PDE4D: variants seen among roughly 807,000 people sequenced by gnomAD.
The protein encoded by PDE4D is phosphodiesterase 4D.
PDE4D carries 24 observed loss-of-function variants against 87.4 expected under a neutral mutation model. The ratio of observed to expected loss-of-function variants is 0.27; its 90% CI spans 0.20 to 0.39. The LOEUF (loss-of-function observed/expected upper bound fraction) is 0.39. PDE4D is among the 10% of genes least tolerant of loss of function. PDE4D has a pLI of 1.00. For missense variants in PDE4D, 714 were observed against 1,041.0 expected (o/e 0.69, Z 4.32); for synonymous variants, 384 against 383.2 (o/e 1.00, Z -0.02).
chr5:59,792,421 T>TGTGTGTGTGTGTGA (rs1392525457), intron 1 of PDE4D, among the ~76,000 whole-genome samples: 1 of 151,544 alleles, frequency 6.6e-6, no homozygotes, highest in Non-Finnish European at 1.5e-5. Context: ...TGTGTGTGTG[T>TGTGTGTGTGTGTGA]GTGTGTGTGT....
intron 1 of PDE4D, among the ~76,000 whole-genome samples, chr5:59,305,916 G>T (rs1771246437): frequency 6.6e-6 from 1 of 152,064 alleles, no homozygotes; most frequent in African/African-American, 2.4e-5. Context: ...TTGTTCCAAG[G>T]TACAGTTTAA....
intron 1 of PDE4D, among the ~76,000 whole-genome samples, chr5:60,339,270 C>T (rs985220141): frequency 5.3e-5 from 8 of 152,126 alleles, no homozygotes; most frequent in African/African-American, 1.9e-4. Flanking sequence ...ATCCCCACTC[C>T]TGCACTTTGG....
intron 1 of PDE4D, among the ~76,000 whole-genome samples, chr5:59,430,109 C>A (rs1795894959): frequency 6.6e-6 from 1 of 152,172 alleles, no homozygotes; most frequent in South Asian, 2.1e-4. Flanking sequence ...TCAGCTTTTG[C>A]TAAATAGCTA....
At chr5:60,308,359 C>T (rs1019225049) in intron 1 of PDE4D, among the ~76,000 whole-genome samples, 4 of 151,996 alleles carry the variant, frequency 2.6e-5, no homozygotes, top group Non-Finnish European at 5.9e-5. Flanking sequence ...GAAAATTTTC[C>T]AACATCCCTT....
At chr5:59,484,550 C>T (rs1804783474) in intron 1 of PDE4D, among the ~76,000 whole-genome samples, 1 of 152,148 alleles carries the variant, frequency 6.6e-6, no homozygotes, top group Admixed American at 6.6e-5. Flanking sequence ...TATTTTCCTT[C>T]TAGAACAAAC....
intron 5 of PDE4D, chr5:59,091,066 A>T (rs1357978084): frequency 4.5e-6 from 2 of 449,226 alleles, no homozygotes; most frequent in Non-Finnish European, 8.9e-6. Flanking sequence ...TACTAAACAT[A>T]TGAAGGAGTA....
chr5:59,822,296 A>G (rs1769785569), intron 1 of PDE4D, among the ~76,000 whole-genome samples: 1 of 152,224 alleles, frequency 6.6e-6, no homozygotes, highest in African/African-American at 2.4e-5. Flanking sequence ...ATTGAAACAA[A>G]CATGCTTTTA....
chr5:59,314,529 G>T (rs553627143), intron 1 of PDE4D: 5 of 152,160 alleles, frequency 3.3e-5, no homozygotes, highest in Non-Finnish European at 7.3e-5. Context: ...GAATTCAGTA[G>T]CTAATGCAGT....
At chr5:59,013,737 T>C (rs1753349281) in intron 6 of PDE4D, among the ~76,000 whole-genome samples, 1 of 152,188 alleles carries the variant, frequency 6.6e-6, no homozygotes, top group Admixed American at 6.5e-5. Context: ...TTGGTAACAT[T>C]CCTTCTGAAA....
At chr5:59,405,206 C>A (rs770338480) in intron 1 of PDE4D, among the ~76,000 whole-genome samples, 51 of 152,120 alleles carry the variant, frequency 3.4e-4, no homozygotes, top group Non-Finnish European at 3.5e-4. Flanking sequence ...TTCTTCCAAT[C>A]CATGAACATG....
chr5:60,514,720 A>T (rs1021004500), intron 1 of PDE4D, among the ~76,000 whole-genome samples: 1 of 148,422 alleles, frequency 6.7e-6, no homozygotes, highest in Non-Finnish European at 1.5e-5. Context: ...AAAAATTGTT[A>T]ACACCACAAA....
At chr5:60,439,190 T>A (rs948991370) in intron 1 of PDE4D, among the ~76,000 whole-genome samples, 1 of 152,146 alleles carries the variant, frequency 6.6e-6, no homozygotes, top group African/African-American at 2.4e-5. Context: ...TATGGCTTAA[T>A]TAGGGACCAT....
intron 1 of PDE4D, among the ~76,000 whole-genome samples, chr5:59,443,942 C>G (rs1797997567): frequency 6.6e-6 from 1 of 151,524 alleles, no homozygotes; most frequent in South Asian, 2.1e-4. Flanking sequence ...AAATAAATGA[C>G]TTGTTTAGGG....
intron 1 of PDE4D, among the ~76,000 whole-genome samples, chr5:60,431,734 G>A (rs1025943156): frequency 6.6e-6 from 1 of 152,190 alleles, no homozygotes; most frequent in Non-Finnish European, 1.5e-5. Flanking sequence ...CTGGGAGGTG[G>A]AGGTTGTAGC....
chr5:59,850,473 G>A (rs185676463), intron 1 of PDE4D, among the ~76,000 whole-genome samples: 51 of 152,114 alleles, frequency 3.4e-4, no homozygotes, highest in African/African-American at 1.1e-3. Context: ...TGGCTGCCTC[G>A]ATTTTAGGAC....
At chr5:59,314,912 T>A (rs1353806522) in intron 1 of PDE4D, 5 of 150,948 alleles carry the variant, frequency 3.3e-5, no homozygotes, top group Non-Finnish European at 4.5e-5. Flanking sequence ...AGGAGGCAGA[T>A]AAGAGGGAGG....
chr5:59,605,498 G>C lies in PDE4D; in HGVS notation c.455+287670C>G, dbSNP rs1257323352. On this transcript the variant is annotated intron_variant, in intron 1 of 14. Transcript: ENST00000340635. ...CCTCCCATGGTATATACAAAGCTTT[G>C]CTTTGCTGCCAGACTTTCTCTAACA... is the stretch of plus-strand genomic sequence containing the variant. 2.0e-5 allele frequency among the ~76,000 whole-genome samples: 3 copies of C among 152,056 alleles called. No individual in the cohort carries two copies. The East Asian group carries it at 5.8e-4, about 29-fold the overall frequency.
intron 1 of PDE4D, among the ~76,000 whole-genome samples, chr5:60,375,509 C>A (rs1761361745): frequency 6.6e-6 from 1 of 152,166 alleles, no homozygotes; most frequent in Non-Finnish European, 1.5e-5. Flanking sequence ...TAACAGATAT[C>A]ATTTATTGAG....
intron 2 of PDE4D, among the ~76,000 whole-genome samples, chr5:60,160,230 T>C (rs1782353785): frequency 6.6e-6 from 1 of 152,252 alleles, no homozygotes; most frequent in Non-Finnish European, 1.5e-5. Flanking sequence ...AAAAATTATG[T>C]GTTAATTGAC....
Sources: allele counts gnomAD v4.1 joint callset (sites outside exome capture counted in the v4.1 genomes callset), GRCh38; gene constraint gnomAD v4.1.1; transcripts MANE v1.5; gene names NCBI Gene and HGNC (gene_info 2026-07-23, HGNC 2026-07-21).